The following NAV2 variants were observed in gnomAD, a reference collection of about 807,000 sequenced individuals.
NAV2 encodes the protein helicase, APC down-regulated 1.
Under a neutral mutation model 223.2 loss-of-function variants are expected in NAV2, and 54 were observed. That is an observed-to-expected ratio of 0.24 (90% CI 0.19 to 0.30). NAV2 has a LOEUF of 0.30. Ranked by LOEUF, NAV2 falls within the 10% of genes least tolerant of loss-of-function variation. NAV2 has a pLI of 1.00. For synonymous variants in NAV2, 1,279 were observed against 1,239.3 expected, an observed-to-expected ratio of 1.03 and a Z score of -0.67; for missense variants, 2,806 against 3,147.5, an observed-to-expected ratio of 0.89 and a Z score of 2.60.
intron 6 of NAV2, among the ~76,000 whole-genome samples, chr11:19,907,817 T>C (rs1270044581): frequency 6.6e-6 from 1 of 152,246 alleles, no homozygotes; most frequent in African/African-American, 2.4e-5. Flanking sequence ...TTTTGTTTTT[T>C]ATCATCCCTC....
intron 1 of NAV2, among the ~76,000 whole-genome samples, chr11:19,524,130 G>T (rs1014129734): frequency 6.6e-6 from 1 of 152,162 alleles, no homozygotes; most frequent in Non-Finnish European, 1.5e-5. Context: ...ATCCCCTGAG[G>T]GTAGGGACCC....
At chr11:19,348,667 A>G (rs912456189), upstream of NAV2, among the ~76,000 whole-genome samples, 6 of 152,254 alleles carry the variant, frequency 3.9e-5, no homozygotes, top group African/African-American at 1.4e-4. Flanking sequence ...CACTAAGCAT[A>G]TAGCAAACAT....
rs78680510 is a variant in NAV2 at position 19,533,433 on chromosome 11, G to A, written c.75+182406G>A. Among the ~76,000 whole-genome samples the A allele has an allele frequency of 5.2e-3, 796 of 152,216 alleles. 4 individuals carry two copies. Among genetic ancestry groups the A allele is most frequent in the African/African-American group, 0.019 (774 of 41,532 alleles). On this transcript the variant is annotated intron_variant, in intron 1 of 37. Coordinates refer to the NAV2 transcript ENST00000360655. ...TTCTTCAAGGCTGACAAACATTGGT[G>A]TAAACAATTCTCTCTCCCTCCTACA...
At chr11:19,822,396 C>A (rs2059429993) in intron 1 of NAV2, among the ~76,000 whole-genome samples, 1 of 152,194 alleles carries the variant, frequency 6.6e-6, no homozygotes, top group Non-Finnish European at 1.5e-5. Flanking sequence ...CAAGCATTGC[C>A]CCCTGCACAG....
intron 1 of NAV2, among the ~76,000 whole-genome samples, chr11:19,585,248 C>T (rs1235004396): frequency 1.3e-5 from 2 of 152,152 alleles, no homozygotes; most frequent in African/African-American, 2.4e-5. Flanking sequence ...CTTCCTCCAT[C>T]CCTTTGTTTT....
intron 1 of NAV2, among the ~76,000 whole-genome samples, chr11:19,676,718 T>C (rs569448033): frequency 3.9e-5 from 6 of 152,302 alleles, no homozygotes; most frequent in African/African-American, 1.4e-4. Flanking sequence ...GTTGGCACTT[T>C]GGCTCTCAGA....
At chr11:19,997,234 G>A (rs2051993329) in intron 11 of NAV2, among the ~76,000 whole-genome samples, 1 of 152,162 alleles carries the variant, frequency 6.6e-6, no homozygotes, top group Non-Finnish European at 1.5e-5. Flanking sequence ...GTGCAGGGAC[G>A]ACTTTGGGTG....
intron 6 of NAV2, among the ~76,000 whole-genome samples, chr11:19,913,753 G>T (rs78565078): frequency 1.3e-5 from 2 of 151,924 alleles, no homozygotes; most frequent in African/African-American, 2.4e-5. Context: ...TTCCTCCATC[G>T]CAGTGCTTCC....
At chr11:19,586,659 G>T (rs1009394219) in intron 1 of NAV2, among the ~76,000 whole-genome samples, 1 of 152,252 alleles carries the variant, frequency 6.6e-6, no homozygotes, top group Non-Finnish European at 1.5e-5. Context: ...GACCCTGTTT[G>T]CCTGGGTATC....
intron 1 of NAV2, among the ~76,000 whole-genome samples, chr11:19,771,389 C>T (rs2055707078): frequency 6.6e-6 from 1 of 152,106 alleles, no homozygotes. Context: ...GTTAGTTTTG[C>T]TCTGAGTCTT....
At chr11:19,753,890 G>C (rs550454843) in intron 1 of NAV2, among the ~76,000 whole-genome samples, 1 of 152,328 alleles carries the variant, frequency 6.6e-6, no homozygotes, top group East Asian at 1.9e-4. Context: ...GCCATGATTG[G>C]TGTATTTATT....
intron 3 of NAV2, among the ~76,000 whole-genome samples, chr11:19,857,773 T>G (rs2061481464): frequency 6.6e-6 from 1 of 152,268 alleles, no homozygotes; most frequent in Admixed American, 6.5e-5. Context: ...ATGTATACAT[T>G]GTATAATGAT....
intron 6 of NAV2, among the ~76,000 whole-genome samples, chr11:19,932,227 A>G (rs1374700149): frequency 9.4e-6 from 1 of 106,922 alleles, no homozygotes; most frequent in Admixed American, 1.4e-4. Context: ...CATAGATTAC[A>G]CTCTTAAGCA....
At chr11:19,503,634 T>A (rs2043028116) in intron 1 of NAV2, 1 of 152,228 alleles carries the variant, frequency 6.6e-6, no homozygotes, top group Non-Finnish European at 1.5e-5. Flanking sequence ...TGATAGCTCA[T>A]TTCCTTTTAG....
intron 12 of NAV2, among the ~76,000 whole-genome samples, chr11:20,036,585 G>C (rs1473966096): frequency 2.0e-5 from 3 of 152,132 alleles, no homozygotes; most frequent in Non-Finnish European, 4.4e-5. Context: ...CTGTCTCTGG[G>C]TTACATTCCC....
chr11:19,719,873 G>A (rs1331947965), intron 1 of NAV2, among the ~76,000 whole-genome samples: 5 of 152,186 alleles, frequency 3.3e-5, no homozygotes, highest in Non-Finnish European at 5.9e-5. Flanking sequence ...TGAGGGATCC[G>A]CTACAAACCA....
chr11:19,827,248 G>A (rs1448226259), intron 1 of NAV2, among the ~76,000 whole-genome samples: 3 of 152,118 alleles, frequency 2.0e-5, no homozygotes, highest in Non-Finnish European at 4.4e-5. Context: ...ACATAGACTG[G>A]CAGACTTTCT....
chr11:19,777,694 T>C (rs1484816140), intron 1 of NAV2: 3 of 399,216 alleles, frequency 7.5e-6, no homozygotes, highest in Non-Finnish European at 1.5e-5. Context: ...TGTGTGTGTT[T>C]AAACCAGGAA....
chr11:19,405,272 C>G (rs1465937197), intron 1 of NAV2, among the ~76,000 whole-genome samples: 1 of 152,134 alleles, frequency 6.6e-6, no homozygotes, highest in African/African-American at 2.4e-5. Context: ...CATTATTTCC[C>G]CCAAACAAAT....
Sources: allele counts gnomAD v4.1 joint callset (sites outside exome capture counted in the v4.1 genomes callset), GRCh38; gene constraint gnomAD v4.1.1; transcripts MANE v1.5; gene names NCBI Gene and HGNC (gene_info 2026-07-23, HGNC 2026-07-21).